The following RGS8 variants were observed in gnomAD, a reference collection of about 807,000 sequenced individuals.
RGS8 encodes the protein regulator of G-protein signaling 8.
In RGS8, 8 loss-of-function variants were observed where a neutral mutation model predicts 21.7. The observed-to-expected ratio is 0.37, with a 90% CI of 0.22 to 0.66. The LOEUF is 0.66. Ranked by LOEUF, RGS8 falls within the 30% of genes least tolerant of loss-of-function variation. RGS8 has a pLI of 0.59. For synonymous variants in RGS8, 80 were observed against 83.6 expected, an observed-to-expected ratio of 0.96 and a Z score of 0.24; for missense variants, 157 against 217.9, an observed-to-expected ratio of 0.72 and a Z score of 1.76.
At chr1:182,655,069 A>G (rs2102416401) in intron 5 of RGS8, among the ~76,000 whole-genome samples, 1 of 152,354 alleles carries the variant, frequency 6.6e-6, no homozygotes, top group African/African-American at 2.4e-5. Context: ...CTCATGGCAC[A>G]TCTATAGCTT....
chr1:182,692,577 C>G, the RGS8 span, among the ~76,000 whole-genome samples: 2 of 150,454 alleles, frequency 1.3e-5, no homozygotes, highest in Admixed American at 6.7e-5. Context: ...CAGTGCTATA[C>G]CTATCAAACT....
chr1:182,646,642 C>T, exon 7 of RGS8: 1 of 1,260,836 alleles, frequency 7.9e-7, no homozygotes, highest in South Asian at 1.5e-5. Context: ...AATGCCACCG[C>T]TTTTGAACAC....
At chr1:182,665,598 A>G (rs1051316937) in intron 5 of RGS8, among the ~76,000 whole-genome samples, 1 of 152,146 alleles carries the variant, frequency 6.6e-6, no homozygotes, top group African/African-American at 2.4e-5. Context: ...ACTCTCCCAT[A>G]ATTTGCGGGG....
intron 1 of RGS8, among the ~76,000 whole-genome samples, chr1:182,681,820 A>G (rs1052623053): frequency 6.6e-6 from 1 of 152,236 alleles, no homozygotes. Flanking sequence ...CTTGAGAGAC[A>G]AGGCCCTGGG....
chr1:182,681,502 G>A (rs1664533241), intron 1 of RGS8, among the ~76,000 whole-genome samples: 1 of 152,150 alleles, frequency 6.6e-6, no homozygotes, highest in Non-Finnish European at 1.5e-5. Context: ...CTCCATTCTA[G>A]CCAGACACCT....
chr1:182,723,251 G>A, the RGS8 span, among the ~76,000 whole-genome samples: 1 of 152,158 alleles, frequency 6.6e-6, no homozygotes, highest in Admixed American at 6.5e-5. Flanking sequence ...TTAGCAGGAT[G>A]GTTCTGGCTC....
chr1:182,697,826 C>G, the RGS8 span, among the ~76,000 whole-genome samples: 1 of 152,204 alleles, frequency 6.6e-6, no homozygotes, highest in Non-Finnish European at 1.5e-5. Flanking sequence ...CATAATTCGT[C>G]TTTCAATTGA....
chr1:182,643,751 C>G (rs930694345), downstream of RGS8: 1 of 152,190 alleles, frequency 6.6e-6, no homozygotes, highest in Non-Finnish European at 1.5e-5. Context: ...CCCAGAGGTG[C>G]CCAAGGCCAT....
chr1:182,663,073 C>CA (rs1663678315), intron 5 of RGS8, among the ~76,000 whole-genome samples: 1 of 151,992 alleles, frequency 6.6e-6, no homozygotes, highest in Non-Finnish European at 1.5e-5. Context: ...TTTTGGAGCC[C>CA]AGTCATTCAG....
the RGS8 span, among the ~76,000 whole-genome samples, chr1:182,696,344 A>G: frequency 6.6e-6 from 1 of 151,844 alleles, no homozygotes; most frequent in Admixed American, 6.6e-5. Flanking sequence ...TATTTTTGAG[A>G]TGGAGTCTGG....
the RGS8 span, among the ~76,000 whole-genome samples, chr1:182,715,384 A>G: frequency 6.6e-6 from 1 of 152,192 alleles, no homozygotes. Flanking sequence ...AAAAAACCTG[A>G]GCACGCTCCC....
chr1:182,692,308 T>C, the RGS8 span, among the ~76,000 whole-genome samples: 28 of 152,178 alleles, frequency 1.8e-4, 1 homozygote, highest in East Asian at 5.4e-3. Flanking sequence ...CAGCAGTTAG[T>C]AGCATTTCTA....
At chr1:182,683,043 TTAAAC>T (rs1222140755) in intron 1 of RGS8, among the ~76,000 whole-genome samples, 1 of 152,174 alleles carries the variant, frequency 6.6e-6, no homozygotes, top group Admixed American at 6.5e-5. Context: ...GAAAAAATCT[TTAAAC>T]AAAGAAGAAG....
At chr1:182,686,313 A>AT (rs972209011), upstream of RGS8, among the ~76,000 whole-genome samples, 20 of 150,704 alleles carry the variant, frequency 1.3e-4, no homozygotes, top group Admixed American at 4.0e-4. Flanking sequence ...TGTTGATCGA[A>AT]TTTTTTTTTT....
the RGS8 span, among the ~76,000 whole-genome samples, chr1:182,725,787 C>T: frequency 1.3e-5 from 2 of 152,168 alleles, no homozygotes; most frequent in African/African-American, 2.4e-5. Context: ...TCTGACGTCA[C>T]GGCGTGTGAT....
chr1:182,682,649 C>A (rs929679086), intron 1 of RGS8, among the ~76,000 whole-genome samples: 1 of 152,188 alleles, frequency 6.6e-6, no homozygotes, highest in South Asian at 2.1e-4. Context: ...GATGAAGCTG[C>A]TCAGTGGCCC....
chr1:182,671,700 G>A, exon 2 of RGS8: 1 of 1,614,194 alleles, frequency 6.2e-7, no homozygotes, highest in Admixed American at 1.7e-5. Context: ...TTGCCAACTG[G>A]ATGGTCAGAG....
chr1:182,652,681 A>C (rs948067025), intron 5 of RGS8, among the ~76,000 whole-genome samples: 14 of 152,232 alleles, frequency 9.2e-5, no homozygotes, highest in Admixed American at 3.9e-4. Flanking sequence ...GTCAAGGGGA[A>C]GTTTGAGCCA....
chr1:182,740,012 CT>C, the RGS8 span, among the ~76,000 whole-genome samples: 4,322 of 152,306 alleles, frequency 0.028, 91 homozygotes, highest in Non-Finnish European at 0.04. Flanking sequence ...CTGGGTGAAA[CT>C]AGCCTCCAAT....
Sources: allele counts gnomAD v4.1 joint callset (sites outside exome capture counted in the v4.1 genomes callset), GRCh38; gene constraint gnomAD v4.1.1; transcripts MANE v1.5; gene names NCBI Gene and HGNC (gene_info 2026-07-23, HGNC 2026-07-21).